ADGRD1: variants seen among roughly 807,000 people sequenced by gnomAD.
ADGRD1 encodes the protein adhesion G protein-coupled receptor D1.
Under a neutral mutation model 113.4 loss-of-function variants are expected in ADGRD1, and 77 were observed. The observed-to-expected ratio is 0.68, with a 90% confidence interval of 0.57 to 0.82. The LOEUF (loss-of-function observed/expected upper bound fraction) is 0.82, where lower values mean the gene tolerates loss of function less well. Among genes scored for constraint, ADGRD1 ranks in the 40% least tolerant of loss-of-function variants. ADGRD1 has a pLI of 0.00. For missense variants in ADGRD1, 1,036 were observed against 1,139.1 expected (o/e 0.91, Z 1.30); for synonymous variants, 474 against 475.0 (o/e 1.00, Z 0.03).
rs1245962245 is a variant in ADGRD1 at position 130,984,345 on chromosome 12, A to T, written c.490+2282A>T. Reference sequence around the variant, plus strand: ...TGATGGGGCAGCCGCCCTTCCACGCACTGCAGTCAGCACAGAAGCCACGTC... The same window carrying T: ...TGATGGGGCAGCCGCCCTTCCACGCTCTGCAGTCAGCACAGAAGCCACGTC... On this transcript the variant is annotated intron_variant, in intron 5 of 24. Coordinates refer to ENST00000261654, the MANE Select transcript of ADGRD1 (RefSeq NM_198827.5). This position sits in a 1 kb window ranked among gnomAD's most constrained non-coding sequence, Gnocchi z 4.1. Among the ~76,000 whole-genome samples the T allele has an allele frequency of 6.6e-6, 1 of 152,264 alleles. No individual in the cohort carries two copies. Among genetic ancestry groups the T allele is most frequent in the East Asian group, 1.9e-4 (1 of 5,182 alleles).
chr12:131,016,812 G>C (rs1304726775), intron 13 of ADGRD1, among the ~76,000 whole-genome samples: 2 of 151,918 alleles, frequency 1.3e-5, no homozygotes, highest in African/African-American at 4.8e-5. Context: ...AGAATCACTT[G>C]AACCCGGGAG....
At chr12:130,991,214 T>C in intron 7 of ADGRD1, 136 bp downstream of exon 7, 1 of 660,024 alleles carries the variant, frequency 1.5e-6, no homozygotes, top group Non-Finnish European at 2.6e-6. Context: ...AAATAACAAA[T>C]GGAGGGGAAG....
chr12:130,994,592 C>T (rs551035969), intron 8 of ADGRD1, among the ~76,000 whole-genome samples: 4 of 152,304 alleles, frequency 2.6e-5, no homozygotes, highest in East Asian at 1.9e-4. Flanking sequence ...TCTGTGTTTC[C>T]GGGTGTCTAG....
At chr12:130,980,351 G>A (rs541421021) in intron 4 of ADGRD1, among the ~76,000 whole-genome samples, 12 of 151,610 alleles carry the variant, frequency 7.9e-5, no homozygotes, top group African/African-American at 2.2e-4. Context: ...TGATCCACCC[G>A]CCTCGGCCTC....
chr12:131,118,600 G>A (rs887139109), intron 19 of ADGRD1, 149 bp downstream of exon 19: 14 of 576,974 alleles, frequency 2.4e-5, no homozygotes, highest in African/African-American at 3.8e-5. Flanking sequence ...TGAGAAAGTC[G>A]TGGTCCAGGG....
At chr12:130,980,431 T>C (rs1319901475) in intron 4 of ADGRD1, among the ~76,000 whole-genome samples, 2 of 147,228 alleles carry the variant, frequency 1.4e-5, no homozygotes, top group Non-Finnish European at 3.0e-5. Flanking sequence ...AGAGTCTTGC[T>C]CTGTTGCCCA....
Position 131,139,330 on chromosome 12 carries a change from CCA to C in ADGRD1, c.*69_*70del. On this transcript the variant is annotated 3_prime_UTR_variant, in exon 25 of 25. Transcript: ENST00000261654. Reference sequence around the variant, plus strand: ...ACCCCCCCAAACAGAATGAAATGCCCCACCTTTGCCCATGGACCCTCTCCTTG... The same window carrying C: ...ACCCCCCCAAACAGAATGAAATGCCCCCTTTGCCCATGGACCCTCTCCTTG... 9.1e-7 allele frequency: 1 copy of C among 1,096,404 alleles called. No individual in the cohort carries two copies. Among genetic ancestry groups the C allele is most frequent in the East Asian group, 2.6e-5 (1 of 38,990 alleles). 67.9% of individuals were successfully genotyped at this position (1,096,404 alleles called of 1,614,324 possible).
chr12:131,095,816 C>T (rs1320594112), intron 15 of ADGRD1, among the ~76,000 whole-genome samples: 1 of 152,148 alleles, frequency 6.6e-6, no homozygotes, highest in African/African-American at 2.4e-5. Context: ...CGCCAGCCCC[C>T]GTGTTAGGAG....
intron 4 of ADGRD1, among the ~76,000 whole-genome samples, chr12:130,972,099 T>C (rs1871733617): frequency 6.6e-6 from 1 of 152,196 alleles, no homozygotes; most frequent in African/African-American, 2.4e-5. Flanking sequence ...AGTCATGCCA[T>C]GGACAGAGCA....
intron 13 of ADGRD1, among the ~76,000 whole-genome samples, chr12:131,071,898 C>T (rs1296871688): frequency 6.6e-6 from 1 of 150,700 alleles, no homozygotes; most frequent in Non-Finnish European, 1.5e-5. Context: ...CTGCTAAATG[C>T]CAAATGCAGA....
chr12:130,963,896 T>C (rs1870708176), intron 2 of ADGRD1, among the ~76,000 whole-genome samples: 1 of 152,216 alleles, frequency 6.6e-6, no homozygotes, highest in Non-Finnish European at 1.5e-5. Flanking sequence ...GTGTACTGAT[T>C]TGAACTCCCA....
intron 13 of ADGRD1, among the ~76,000 whole-genome samples, chr12:131,062,788 C>T (rs779738886): frequency 7.2e-5 from 11 of 152,190 alleles, no homozygotes; most frequent in Non-Finnish European, 1.5e-4. Context: ...TGAACTAATA[C>T]AAGGGTCACG....
At chr12:131,123,825 C>CAAA (rs111915156) in intron 20 of ADGRD1, among the ~76,000 whole-genome samples, 5 of 90,504 alleles carry the variant, frequency 5.5e-5, no homozygotes, top group African/African-American at 1.8e-4. Flanking sequence ...GACTCCGTCT[C>CAAA]AAAAAAAAAA....
chr12:131,102,858 C>A (rs1593219061), intron 15 of ADGRD1, among the ~76,000 whole-genome samples: 1 of 152,172 alleles, frequency 6.6e-6, no homozygotes, highest in Non-Finnish European at 1.5e-5. Flanking sequence ...TCTCCTACCC[C>A]TAACTGCATG....
intron 13 of ADGRD1, among the ~76,000 whole-genome samples, chr12:131,015,966 A>G (rs1878523206): frequency 6.6e-6 from 1 of 152,202 alleles, no homozygotes; most frequent in Non-Finnish European, 1.5e-5. Context: ...GCAGATGTCT[A>G]GCAGGTCTTT....
At chr12:130,996,992 G>A (rs1353433573) in intron 8 of ADGRD1, among the ~76,000 whole-genome samples, 13 of 137,640 alleles carry the variant, frequency 9.4e-5, no homozygotes, top group Admixed American at 2.8e-4. Flanking sequence ...CGGATGGGGC[G>A]GCTGGCCAGG....
chr12:130,994,447 C>T lies in ADGRD1; in HGVS notation c.966+2055C>T, dbSNP rs543916544. On this transcript the variant is annotated intron_variant, in intron 8 of 24. Transcript: ENST00000261654. ...GCTTCATGCCCACTTGGCACTGGCA[C>T]CCTCCCCTCTAGCCGTGGTACACAG... Among the ~76,000 whole-genome samples, 6 of 152,334 alleles carry T rather than the reference C, an allele frequency of 3.9e-5. No individual in the cohort carries two copies. The East Asian group carries it at 1.2e-3, about 30-fold the overall frequency.
At chr12:130,979,375 G>A (rs1044688863) in intron 4 of ADGRD1, among the ~76,000 whole-genome samples, 6 of 152,160 alleles carry the variant, frequency 3.9e-5, no homozygotes, top group African/African-American at 1.4e-4. Flanking sequence ...TGAATCCTGC[G>A]AGGGCTTTGA....
At chr12:130,986,174 A>G (rs1422536283) in intron 5 of ADGRD1, among the ~76,000 whole-genome samples, 1 of 152,128 alleles carries the variant, frequency 6.6e-6, no homozygotes. Flanking sequence ...TAGTTTATCA[A>G]TATCCACAAA....
Sources: allele counts gnomAD v4.1 joint callset (sites outside exome capture counted in the v4.1 genomes callset), GRCh38; gene constraint gnomAD v4.1.1; non-coding constraint Gnocchi (gnomAD v3.1); transcripts MANE v1.5; gene names NCBI Gene and HGNC (gene_info 2026-07-23, HGNC 2026-07-21).